Variants in COL4A5 observed in about 807,000 individuals in gnomAD.
COL4A5 encodes the protein collagen type IV alpha 5 chain.
COL4A5 carries 26 observed loss-of-function variants against 130.2 expected under a neutral mutation model. That is an observed-to-expected ratio of 0.20 (90% CI 0.15 to 0.28). The LOEUF (loss-of-function observed/expected upper bound fraction) is 0.28, where lower values mean the gene tolerates loss of function less well. COL4A5 is among the 10% of genes least tolerant of loss of function. The pLI is 1.00. For synonymous variants in COL4A5, 496 were observed against 439.6 expected (o/e 1.13, Z -1.60); for missense variants, 1,131 against 1,344.3 (o/e 0.84, Z 2.48).
chrX:108,669,962 G>A (rs1268349941), intron 41 of COL4A5: 2 of 343,214 alleles, frequency 5.8e-6, no homozygotes, highest in Non-Finnish European at 1.0e-5. Context: ...TCATAGTAAT[G>A]ATTATGATAG....
At chrX:108,664,951 A>G (rs904682335) in intron 37 of COL4A5, among the ~76,000 whole-genome samples, 5 of 112,151 alleles carry the variant, frequency 4.5e-5, no homozygotes, top group African/African-American at 1.6e-4. Context: ...TGGAATTTCC[A>G]CACATTGTTC....
chrX:108,696,331 T>G lies in COL4A5; in HGVS notation c.5029T>G (p.Leu1677Val), dbSNP rs2148003708. ...PQSETLKAGD[L>V]RTRISRCQVC... is the part of the protein sequence containing the mutation. ...GTCAGAAACGCTGAAAGCAGGAGAC[T>G]TGAGGACACGAATTAGCCGATGTCA... Residue 1677 changes from leucine to valine, a missense_variant, in exon 53 of 53, where the codon TTG (leucine) becomes GTG (valine). By Grantham distance (32) the Leu-to-Val change is conservative. Transcript: ENST00000328300. 2 of 1,210,549 alleles carry G rather than the reference T, an allele frequency of 1.7e-6. No homozygotes were observed. The highest frequency in any genetic ancestry group is 2.2e-6 in the Non-Finnish European group (2 of 894,308).
At chrX:108,573,795 T>C in intron 9 of COL4A5, 141 bp downstream of exon 9, 1 of 484,902 alleles carries the variant, frequency 2.1e-6, no homozygotes, top group Non-Finnish European at 3.6e-6. Context: ...ACTTTCTACC[T>C]GAAAATAAAA....
At chrX:108,591,947 C>T (rs2066444412) in intron 21 of COL4A5, among the ~76,000 whole-genome samples, 1 of 111,550 alleles carries the variant, frequency 9.0e-6, no homozygotes, top group Non-Finnish European at 1.9e-5. Context: ...CCCTCTTAAC[C>T]TTGCTTAAGT....
chrX:108,560,913 AC>A (rs1403881124), intron 3 of COL4A5, among the ~76,000 whole-genome samples: 1 of 111,340 alleles, frequency 9.0e-6, no homozygotes, highest in Non-Finnish European at 1.9e-5. Flanking sequence ...ATAAATTGCC[AC>A]CACCATCGAG....
rs189579576 is a variant in COL4A5 at position 108,585,102 on chromosome X, A to G, written c.1032+577A>G. On this transcript the variant is annotated intron_variant, in intron 18 of 52. Coordinates refer to ENST00000328300, the MANE Select transcript of COL4A5 (RefSeq NM_033380.3). Reference sequence around the variant, plus strand: ...ATTTTCTGTCATGTTTGTGTTCACTATGAAATTTAAGTCAAATATACTTCC... The same window carrying G: ...ATTTTCTGTCATGTTTGTGTTCACTGTGAAATTTAAGTCAAATATACTTCC... Among the ~76,000 whole-genome samples, 15 of 112,191 alleles carry G rather than the reference A, an allele frequency of 1.3e-4. No individual in the cohort carries two copies. The East Asian group carries it at 3.9e-3, about 29-fold the overall frequency.
At chrX:108,611,208 A>G (rs1032475518) in intron 29 of COL4A5, among the ~76,000 whole-genome samples, 1 of 111,536 alleles carries the variant, frequency 9.0e-6, no homozygotes. Flanking sequence ...TCATCATGAT[A>G]TATCTATATG....
In COL4A5 at chrX:108,533,795, C is replaced by G. The variant is rs79559553; in HGVS notation, c.82-5951C>G. ...TGCAAAGTATTTATCTGACAGGGGA[C>G]TAATATTGAGAATACAAAAGGAACT... On this transcript the variant is annotated intron_variant, in intron 1 of 52. Coordinates refer to ENST00000328300, the MANE Select transcript of COL4A5 (RefSeq NM_033380.3). Among the ~76,000 whole-genome samples the G allele has an allele frequency of 6.1e-3, 680 of 110,687 alleles. 2 individuals are homozygous for G. The highest frequency in any genetic ancestry group is 0.037 in the East Asian group (130 of 3,539).
At chrX:108,641,987 C>A (rs760069386) in intron 36 of COL4A5, among the ~76,000 whole-genome samples, 1 of 111,716 alleles carries the variant, frequency 9.0e-6, no homozygotes, top group Non-Finnish European at 1.9e-5. Context: ...AGGTAGCCTG[C>A]GGCAAGTTCT....
chrX:108,642,683 G>T (rs754610032), intron 36 of COL4A5, among the ~76,000 whole-genome samples: 62 of 109,738 alleles, frequency 5.6e-4, no homozygotes, highest in African/African-American at 1.9e-3. Flanking sequence ...CATAGGAAAA[G>T]GGGGAGAGTA....
At chrX:108,529,320 T>C (rs2065356225) in intron 1 of COL4A5, among the ~76,000 whole-genome samples, 1 of 110,472 alleles carries the variant, frequency 9.1e-6, no homozygotes, top group South Asian at 3.9e-4. Flanking sequence ...CTCAAGTGAG[T>C]CCTAAACCTG....
intron 17 of COL4A5, 71 bp downstream of exon 17, chrX:108,583,008 G>A: frequency 1.1e-6 from 1 of 875,972 alleles, no homozygotes; most frequent in Non-Finnish European, 1.7e-6. Context: ...TCCCAGGCTT[G>A]AGTTATAAAT....
At chrX:108,539,103 A>G (rs921106967) in intron 1 of COL4A5, among the ~76,000 whole-genome samples, 2 of 111,912 alleles carry the variant, frequency 1.8e-5, no homozygotes, top group Admixed American at 9.5e-5. Context: ...AGTGACTTGA[A>G]GTGGTAGGCA....
At chrX:108,494,125 A>G (rs1357986401) in intron 1 of COL4A5, among the ~76,000 whole-genome samples, 1 of 111,604 alleles carries the variant, frequency 9.0e-6, no homozygotes, top group Non-Finnish European at 1.9e-5. Context: ...TTTGACCTAA[A>G]CAATTGTAAT....
intron 1 of COL4A5, among the ~76,000 whole-genome samples, chrX:108,482,134 CTG>C (rs2064898301): frequency 8.9e-6 from 1 of 111,868 alleles, no homozygotes; most frequent in Non-Finnish European, 1.9e-5. Context: ...TGATCCAACT[CTG>C]TGTTCCTTCC....
chrX:108,659,490 G>A (rs2067910672), intron 37 of COL4A5, among the ~76,000 whole-genome samples: 2 of 110,819 alleles, frequency 1.8e-5, no homozygotes, highest in African/African-American at 3.3e-5. Context: ...AGAGGTAGGT[G>A]TTAAAATTTC....
At chrX:108,556,228 C>T (rs1306420555) in intron 2 of COL4A5, among the ~76,000 whole-genome samples, 1 of 111,455 alleles carries the variant, frequency 9.0e-6, no homozygotes, top group Non-Finnish European at 1.9e-5. Flanking sequence ...ATGTCTACCT[C>T]ATATTATCAT....
intron 10 of COL4A5, among the ~76,000 whole-genome samples, chrX:108,577,065 C>G (rs1251962605): frequency 9.1e-6 from 1 of 110,272 alleles, no homozygotes; most frequent in East Asian, 2.8e-4. Flanking sequence ...CAGGTGAAGC[C>G]AAATCTTAGA....
At chrX:108,677,388 G>A (rs1317937928) in intron 43 of COL4A5, 112 bp from the exon 44 acceptor site, 5 of 711,609 alleles carry the variant, frequency 7.0e-6, no homozygotes, top group Middle Eastern at 4.7e-4. Flanking sequence ...TTAATGTTGT[G>A]TGGGTTTTAT....
Sources: gnomAD v4.1 joint callset for allele counts (sites outside exome capture counted in the v4.1 genomes callset) on GRCh38, gnomAD v4.1.1 for gene constraint, MANE v1.5 for transcripts, NCBI Gene and HGNC (gene_info 2026-07-23, HGNC 2026-07-21) for gene names.